ADARB2: variants seen among roughly 807,000 people sequenced by gnomAD.
The protein encoded by ADARB2 is inactive double-stranded RNA-specific editase B2.
ADARB2 carries 25 observed loss-of-function variants against 62.2 expected under a neutral mutation model. The observed-to-expected ratio is 0.40, with a 90% confidence interval of 0.29 to 0.56. ADARB2 has a LOEUF of 0.56. Ranked by LOEUF, ADARB2 falls within the 20% of genes least tolerant of loss-of-function variation. The pLI, the probability that ADARB2 is intolerant of heterozygous loss-of-function variation, is 0.43. For synonymous variants in ADARB2, 572 were observed against 500.8 expected, an observed-to-expected ratio of 1.14 and a Z score of -1.90; for missense variants, 1,071 against 1,077.4, an observed-to-expected ratio of 0.99 and a Z score of 0.08.
At chr10:1,710,905 C>T (rs1002937876) in intron 1 of ADARB2, among the ~76,000 whole-genome samples, 1 of 152,184 alleles carries the variant, frequency 6.6e-6, no homozygotes, top group Admixed American at 6.5e-5. Flanking sequence ...GCTTCCCAGG[C>T]CTGTCCGGTG....
chr10:1,441,301 CCTAT>C (rs1175827288), intron 1 of ADARB2, among the ~76,000 whole-genome samples: 1 of 152,164 alleles, frequency 6.6e-6, no homozygotes, highest in Non-Finnish European at 1.5e-5. Context: ...AAGCAATATT[CCTAT>C]CTGCTGTTTT....
chr10:1,331,812 G>A (rs7073579), intron 3 of ADARB2, among the ~76,000 whole-genome samples: 69,835 of 151,978 alleles, frequency 0.46, 16,609 homozygotes, highest in African/African-American at 0.59. Context: ...CTTTACCTCA[G>A]TGAATCATCT....
rs536192950 is a variant in ADARB2 at position 1,585,783 on chromosome 10, T to C, written c.100+151268A>G. Among the ~76,000 whole-genome samples the C allele has an allele frequency of 3.0e-4, 45 of 152,286 alleles. 1 individual carries two copies. Among genetic ancestry groups the C allele is most frequent in the East Asian group, 1.4e-3 (7 of 5,182 alleles). On this transcript the variant is annotated intron_variant, in intron 1 of 9. Transcript: ENST00000381312. ...GGTGCGGTGTCTCACACCTGTAATCTCAGCACTTTGGGAGGCCAAGGTGGG... is the reference window on the plus strand; with the variant it reads ...GGTGCGGTGTCTCACACCTGTAATCCCAGCACTTTGGGAGGCCAAGGTGGG...
At chr10:1,657,815 C>G (rs1051645923) in intron 1 of ADARB2, among the ~76,000 whole-genome samples, 5 of 152,216 alleles carry the variant, frequency 3.3e-5, no homozygotes, top group Admixed American at 6.5e-5. Flanking sequence ...CGGTCTTTCT[C>G]TCCTGTCTCT....
chr10:1,459,872 G>A (rs1564295423), intron 1 of ADARB2, among the ~76,000 whole-genome samples: 2 of 152,234 alleles, frequency 1.3e-5, no homozygotes, highest in Admixed American at 1.3e-4. Context: ...AATAACGAAT[G>A]TGCATGAGGC....
rs538991022 is a variant in ADARB2 at position 1,363,814 on chromosome 10, C to T, written c.291G>A (p.Lys97=). The stretch of plus-strand genomic sequence containing the variant: ...TCCCCTCCTCCAGCGGCCGCTTCCT[C>T]TTCGCGCCGGGCGCGCCGCCCCGGG... ...DRARGGAPGA[K]RKRPLEEGNG... is the part of the protein sequence containing the mutation. Residue 97 remains lysine, a synonymous_variant, in exon 3 of 10, where the codon AAG becomes AAA. Transcript: ENST00000381312. The T allele has an allele frequency of 1.8e-5, 29 of 1,590,684 alleles. No homozygotes were observed. In the East Asian group the frequency reaches 6.1e-4, roughly 33 times the overall value.
At chr10:1,305,370 A>C (rs1275358050) in intron 3 of ADARB2, among the ~76,000 whole-genome samples, 6 of 152,066 alleles carry the variant, frequency 3.9e-5, no homozygotes, top group Non-Finnish European at 8.8e-5. Flanking sequence ...TGAATCTCTG[A>C]ATAGACCAGT....
chr10:1,308,155 C>T lies in ADARB2; in HGVS notation c.1078-37086G>A, dbSNP rs544679185. ...GAGCAGTTTCCCTGCCCTAAAATCC[C>T]CTGTGCTCCACCTACTCAGCCCTCC... On this transcript the variant is annotated intron_variant, in intron 3 of 9. Coordinates refer to ENST00000381312, the MANE Select transcript of ADARB2 (RefSeq NM_018702.4). Among the ~76,000 whole-genome samples the T allele has an allele frequency of 4.6e-5, 7 of 152,144 alleles. No homozygotes were observed. The South Asian group carries it at 1.0e-3, about 23-fold the overall frequency.
chr10:1,521,425 G>A (rs1832072867), intron 1 of ADARB2, among the ~76,000 whole-genome samples: 1 of 152,010 alleles, frequency 6.6e-6, no homozygotes, highest in Non-Finnish European at 1.5e-5. Context: ...ACATTCTAAG[G>A]CCCCCTAAGC....
chr10:1,427,762 A>G (rs894677384), intron 1 of ADARB2, among the ~76,000 whole-genome samples: 1 of 152,234 alleles, frequency 6.6e-6, no homozygotes, highest in Admixed American at 6.5e-5. Context: ...TGTTTGCATA[A>G]AAAACTGTAC....
chr10:1,407,594 C>T (rs1309064995), intron 1 of ADARB2, among the ~76,000 whole-genome samples: 3 of 152,180 alleles, frequency 2.0e-5, no homozygotes, highest in South Asian at 2.1e-4. Context: ...TATGCCTCAG[C>T]CCAGGAGTCC....
chr10:1,697,665 C>T (rs1834764421), intron 1 of ADARB2, among the ~76,000 whole-genome samples: 1 of 152,154 alleles, frequency 6.6e-6, no homozygotes, highest in Non-Finnish European at 1.5e-5. Flanking sequence ...GGAAGAGAAA[C>T]CCCACAGGCT....
At chr10:1,339,752 G>T (rs558193690) in intron 3 of ADARB2, among the ~76,000 whole-genome samples, 1 of 152,330 alleles carries the variant, frequency 6.6e-6, no homozygotes, top group East Asian at 1.9e-4. Flanking sequence ...GAGCTCAGAG[G>T]ATGAAGAAAC....
intron 1 of ADARB2, among the ~76,000 whole-genome samples, chr10:1,427,616 G>T (rs187427188): frequency 1.3e-5 from 2 of 152,294 alleles, no homozygotes; most frequent in African/African-American, 4.8e-5. Context: ...TCATTCATAC[G>T]TTGCTGGTGG....
intron 7 of ADARB2, among the ~76,000 whole-genome samples, chr10:1,204,540 C>G (rs1189489885): frequency 6.6e-6 from 1 of 152,272 alleles, no homozygotes; most frequent in Non-Finnish European, 1.5e-5. Context: ...CTTGCTGGGA[C>G]ACCCTCAGGG....
intron 1 of ADARB2, among the ~76,000 whole-genome samples, chr10:1,716,019 G>T (rs904798426): frequency 6.6e-6 from 1 of 152,132 alleles, no homozygotes; most frequent in African/African-American, 2.4e-5. Context: ...CCTCCCGCCC[G>T]CTGAGTCAGT....
chr10:1,619,027 A>G (rs146514977), intron 1 of ADARB2, among the ~76,000 whole-genome samples: 1 of 152,226 alleles, frequency 6.6e-6, no homozygotes, highest in Non-Finnish European at 1.5e-5. Flanking sequence ...GGAGGAATGA[A>G]TGGTGTAAAA....
At chr10:1,433,703 C>CTG (rs1830802235) in intron 1 of ADARB2, among the ~76,000 whole-genome samples, 1 of 152,120 alleles carries the variant, frequency 6.6e-6, no homozygotes, top group Non-Finnish European at 1.5e-5. Context: ...CTGCCCTGCC[C>CTG]CACTGACAGG....
At chr10:1,640,998 G>C (rs1833973104) in intron 1 of ADARB2, among the ~76,000 whole-genome samples, 2 of 152,148 alleles carry the variant, frequency 1.3e-5, no homozygotes, top group Admixed American at 6.6e-5. Flanking sequence ...CCCATGAAAA[G>C]CTTAGATTCT....
Sources: gnomAD v4.1 joint callset for allele counts (sites outside exome capture counted in the v4.1 genomes callset) on GRCh38, gnomAD v4.1.1 for gene constraint, MANE v1.5 for transcripts, NCBI Gene and HGNC (gene_info 2026-07-23, HGNC 2026-07-21) for gene names.